ZFYVE26: variants seen among roughly 807,000 people sequenced by gnomAD.
ZFYVE26 encodes zinc finger FYVE domain-containing protein 26.
In ZFYVE26, 181 loss-of-function variants were observed where a neutral mutation model predicts 276.5. That is an observed-to-expected ratio of 0.65 (90% CI 0.58 to 0.74). The LOEUF (loss-of-function observed/expected upper bound fraction) is 0.74. Among genes scored for constraint, ZFYVE26 ranks in the 30% least tolerant of loss-of-function variants. The probability of loss-of-function intolerance (pLI) is 0.00; values close to 1 mark genes in which losing one functional copy is unlikely to be tolerated. For synonymous variants in ZFYVE26, 1,129 were observed against 1,203.1 expected (o/e 0.94, Z 1.27); for missense variants, 2,821 against 3,097.9 (o/e 0.91, Z 2.12).
Position 67,767,853 on chromosome 14 carries a change from A to G in ZFYVE26, c.5654-13T>C. ...GAGCTGTCTAGAGCTGAGAAGAGAAATGCCATTCATGTGTCATTCACTGGC... is the reference window on the plus strand; with the variant it reads ...GAGCTGTCTAGAGCTGAGAAGAGAAGTGCCATTCATGTGTCATTCACTGGC... On this transcript the variant is annotated splice_polypyrimidine_tract_variant and intron_variant, in intron 30 of 41. Coordinates refer to ENST00000347230, the MANE Select transcript of ZFYVE26 (RefSeq NM_015346.4). 1 of 1,614,176 alleles carries G rather than the reference A, an allele frequency of 6.2e-7. No homozygotes were observed. The highest frequency in any genetic ancestry group is 8.5e-7 in the Non-Finnish European group (1 of 1,180,014).
Position 67,737,537 on chromosome 14 carries a change from T to C in ZFYVE26, n.2680-7718A>G, listed in dbSNP as rs557609186. ...AAACCACCCTCATGATTCAGTCAACTCCCACCAGGTCCCTCCCTCAACACA... is the reference window on the plus strand; with the variant it reads ...AAACCACCCTCATGATTCAGTCAACCCCCACCAGGTCCCTCCCTCAACACA... On this transcript the variant is annotated intron_variant and non_coding_transcript_variant, in intron 13 of 14. Transcript: ENST00000394455. Among the ~76,000 whole-genome samples, 4 of 152,174 alleles carry C rather than the reference T, an allele frequency of 2.6e-5. No homozygotes were observed. In the East Asian group the frequency reaches 7.7e-4, roughly 29 times the overall value.
In ZFYVE26 at chr14:67,807,466, G is replaced by A. The variant is rs767581391; in HGVS notation, c.818C>T (p.Ser273Phe). Residue 273 changes from serine to phenylalanine, a missense_variant, in exon 5 of 42, where the codon TCC (serine) becomes TTC (phenylalanine). Transcript: ENST00000347230. ...LLHKASRGLL[S>F]LYGHTYAEKV... ...CTCTGCATAGGTATGGCCATACAGG[G>A]ACAGCAGGCCCCGGCTGGCCTTGTG... 3.7e-5 allele frequency: 60 copies of A among 1,614,058 alleles called. No individual in the cohort carries two copies. In the South Asian group the frequency reaches 6.4e-4, roughly 17 times the overall value.
In ZFYVE26 at chr14:67,776,079, G is replaced by A. The variant is rs570806876; in HGVS notation, c.5002C>T (p.Arg1668Trp). 54 of 1,614,220 alleles carry A rather than the reference G, an allele frequency of 3.3e-5. 2 individuals carry two copies. The South Asian group carries it at 3.8e-4, about 11-fold the overall frequency. ...GAGGACAAGTGGGAATAGCTGGCCCGGTGCTGCTCAGGCAGGGTCAGCAGA... is the reference window on the plus strand; with the variant it reads ...GAGGACAAGTGGGAATAGCTGGCCCAGTGCTGCTCAGGCAGGGTCAGCAGA... ...KILLTLPEQH[R>W]ASYSHLSSNP... Residue 1668 changes from arginine (R) to tryptophan (W), a missense_variant, in exon 26 of 42, where the codon CGG becomes TGG. Coordinates refer to ENST00000347230, the MANE Select transcript of ZFYVE26 (RefSeq NM_015346.4).
intron 27 of ZFYVE26, 101 bp from the exon 28 acceptor site, chr14:67,772,311 G>T: frequency 7.7e-7 from 1 of 1,303,970 alleles, no homozygotes; most frequent in Non-Finnish European, 1.1e-6. Context: ...AACCGTTATT[G>T]AAAGAATAGA....
chr14:67,768,444 A>G (rs1594897334), intron 30 of ZFYVE26, 73 bp downstream of exon 30: 1 of 1,503,846 alleles, frequency 6.6e-7, no homozygotes, highest in East Asian at 2.3e-5. Flanking sequence ...TATCAGTCAC[A>G]GCTGATATGC....
chr14:67,809,134 C>T (rs938297763), intron 4 of ZFYVE26, 66 bp downstream of exon 4: 1 of 1,371,104 alleles, frequency 7.3e-7, no homozygotes, highest in Admixed American at 1.7e-5. Context: ...TCTTCTGGGT[C>T]CATGGAAGCT....
chr14:67,805,648 G>A, intron 6 of ZFYVE26, 30 bp from the exon 7 acceptor site: 1 of 1,610,468 alleles, frequency 6.2e-7, no homozygotes, highest in Non-Finnish European at 8.5e-7. Flanking sequence ...GTTATAGGCA[G>A]CTATGTGGAT....
Position 67,781,484 on chromosome 14 carries a change from A to G in ZFYVE26, c.4418T>C (p.Leu1473Pro). Residue 1473 changes from leucine (L) to proline (P), a missense_variant, in exon 22 of 42, where the codon CTG becomes CCG. By Grantham distance (98) the Leu-to-Pro change is moderately conservative. Transcript: ENST00000347230. Reference sequence around the variant, plus strand: ...AAACTGTAGGGCCAGCCGACTTCTCAGAGATGCATCCTTCACGGGAAACAG... The same window carrying G: ...AAACTGTAGGGCCAGCCGACTTCTCGGAGATGCATCCTTCACGGGAAACAG... The part of the protein sequence containing the change: ...QYLFPVKDAS[L>P]RSRLALQFVD... The G allele has an allele frequency of 6.2e-7, 1 of 1,614,214 alleles. No homozygotes were observed. Among genetic ancestry groups the G allele is most frequent in the Non-Finnish European group, 8.5e-7 (1 of 1,180,036 alleles).
At position 67,748,508 on chromosome 14, in the gene ZFYVE26, C is replaced by G; in HGVS notation, c.7548G>C (p.Val2516=). The change falls in exon 42 of 42, where the codon GTG becomes GTC. Residue 2516 remains valine (V), a synonymous_variant. Transcript: ENST00000347230. The part of the protein sequence containing the change: ...QAAKSSGDAV[V]QDICAQWLLT... ...GAAGCCACTGGGCACAGATGTCTTG[C>G]ACTACTGCATCCCCGCTGCTCTTGG... 6.2e-7 allele frequency: 1 copy of G among 1,613,860 alleles called. No individual in the cohort carries two copies. Among genetic ancestry groups the G allele is most frequent in the Non-Finnish European group, 8.5e-7 (1 of 1,179,970 alleles).
chr14:67,766,317 A>G lies in ZFYVE26; in HGVS notation c.5921T>C (p.Leu1974Pro). ...GLTNPEVDAG[L>P]LTDIMKQLLF... ...CAGCTGCTTCATGATGTCCGTGAGC[A>G]GCCCGGCATCCACCTCTGGGTTGGT... is the stretch of plus-strand genomic sequence containing the variant. The change falls in exon 32 of 42, where the codon CTG becomes CCG. Residue 1974 changes from leucine to proline, a missense_variant. Leu to Pro is a moderately conservative substitution (Grantham distance 98). Coordinates refer to ENST00000347230, the MANE Select transcript of ZFYVE26 (RefSeq NM_015346.4). 6.2e-7 allele frequency: 1 copy of G among 1,613,634 alleles called. No individual in the cohort carries two copies. The highest frequency in any genetic ancestry group is 8.5e-7 in the Non-Finnish European group (1 of 1,180,042).
At chr14:67,799,030 T>C in intron 10 of ZFYVE26, 1 of 1,166,378 alleles carries the variant, frequency 8.6e-7, no homozygotes, top group Non-Finnish European at 1.3e-6. Flanking sequence ...TCTATTCCGT[T>C]CCCAGTGACA....
chr14:67,729,226 G>A, exon 14 of ZFYVE26: 3 of 1,611,734 alleles, frequency 1.9e-6, no homozygotes, highest in Non-Finnish European at 2.5e-6. Flanking sequence ...GCACCCAGGC[G>A]TCGTCCGCTC....
intron 31 of ZFYVE26, among the ~76,000 whole-genome samples, chr14:67,767,321 A>T (rs2039085211): frequency 6.6e-6 from 1 of 152,008 alleles, no homozygotes; most frequent in Non-Finnish European, 1.5e-5. Flanking sequence ...GTTCCCTTCA[A>T]ATTAAAGAGC....
At chr14:67,788,490 G>T (rs1351217494) in intron 16 of ZFYVE26, among the ~76,000 whole-genome samples, 1 of 152,172 alleles carries the variant, frequency 6.6e-6, no homozygotes, top group Non-Finnish European at 1.5e-5. Context: ...ACTCATTGCT[G>T]GAGAAATAGG....
rs1380439017 is a variant in ZFYVE26 at position 67,747,660 on chromosome 14, A to T, written c.*776T>A. 1.9e-5 allele frequency: 1 copy of T among 51,600 alleles called. No homozygotes were observed. The highest frequency in any genetic ancestry group is 6.8e-5 in the African/African-American group (1 of 14,746). The allele number at this position is 51,600 out of a possible 1,614,324, so 3.2% of individuals were successfully genotyped here. A position where few individuals can be genotyped will look rare whatever the true frequency, so the allele number is the denominator to read the frequency against. ...GCACCCGCTCCCCCCACCACCCCCCACCGCCTCCCCTGTATCCCTGTTTGG... is the reference window on the plus strand; with the variant it reads ...GCACCCGCTCCCCCCACCACCCCCCTCCGCCTCCCCTGTATCCCTGTTTGG... On this transcript the variant is annotated 3_prime_UTR_variant, in exon 42 of 42. Coordinates refer to ENST00000347230, the MANE Select transcript of ZFYVE26 (RefSeq NM_015346.4).
intron 13 of ZFYVE26, among the ~76,000 whole-genome samples, chr14:67,731,207 C>CTTT (rs71129853): frequency 4.2e-3 from 376 of 90,278 alleles, no homozygotes; most frequent in Middle Eastern, 9.6e-3. Context: ...TTCTTTCTTT[C>CTTT]TTTTTTTTTT....
intron 39 of ZFYVE26, 87 bp downstream of exon 39, chr14:67,753,620 A>G (rs897856910): frequency 2.1e-6 from 3 of 1,400,846 alleles, no homozygotes; most frequent in African/African-American, 2.8e-5. Flanking sequence ...TTTTCTTGGG[A>G]TAAGAATTTC....
Position 67,805,232 on chromosome 14 carries a change from C to T in ZFYVE26, c.1256G>A (p.Cys419Tyr). Residue 419 changes from cysteine to tyrosine, a missense_variant, in exon 8 of 42, where the codon TGC becomes TAC. Cys to Tyr is a radical substitution (Grantham distance 194, BLOSUM62 -2). Coordinates refer to ENST00000347230, the MANE Select transcript of ZFYVE26 (RefSeq NM_015346.4). ...LWAHLEVLEWCIQQSSNPIPK... is the reference protein window; with the variant it reads ...LWAHLEVLEWYIQQSSNPIPK... ...AGGGCCATACCTGCTCTGCTGTATG[C>T]ACCACTCCAGGACCTCCAGGTGAGC... 6.2e-7 allele frequency: 1 copy of T among 1,613,970 alleles called. No homozygotes were observed. Among genetic ancestry groups the T allele is most frequent in the Non-Finnish European group, 8.5e-7 (1 of 1,179,986 alleles).
chr14:67,799,023 A>G, intron 10 of ZFYVE26: 3 of 1,166,736 alleles, frequency 2.6e-6, no homozygotes, highest in East Asian at 2.3e-5. Flanking sequence ...GGAAAAGTCT[A>G]TTCCGTTCCC....
Sources: gnomAD v4.1 joint callset for allele counts (sites outside exome capture counted in the v4.1 genomes callset) on GRCh38, gnomAD v4.1.1 for gene constraint, MANE v1.5 for transcripts, NCBI Gene and HGNC (gene_info 2026-07-23, HGNC 2026-07-21) for gene names.